CDH23: variants seen among roughly 807,000 people sequenced by gnomAD.
CDH23 encodes cadherin related 23.
Under a neutral mutation model 317.1 loss-of-function variants are expected in CDH23, and 189 were observed. The ratio of observed to expected loss-of-function variants is 0.60; its 90% CI spans 0.53 to 0.67. The LOEUF is 0.67. Among genes scored for constraint, CDH23 ranks in the 30% least tolerant of loss-of-function variants. CDH23 has a pLI of 0.00. For missense variants in CDH23, 4,401 were observed against 4,592.4 expected, an observed-to-expected ratio of 0.96 and a Z score of 1.20; for synonymous variants, 1,839 against 1,876.8, an observed-to-expected ratio of 0.98 and a Z score of 0.52.
chr10:71,485,702 G>T (rs1376382694), intron 3 of CDH23, among the ~76,000 whole-genome samples: 1 of 152,254 alleles, frequency 6.6e-6, no homozygotes, highest in Non-Finnish European at 1.5e-5. Context: ...TGTGTGGGCA[G>T]AGAAGCAGTG....
Position 71,510,123 on chromosome 10 carries a change from G to C in CDH23, c.187G>C (p.Asp63His). 1 of 1,614,034 alleles carries C rather than the reference G, an allele frequency of 6.2e-7. No homozygotes were observed. Among genetic ancestry groups the C allele is most frequent in the Non-Finnish European group, 8.5e-7 (1 of 1,179,892 alleles). Residue 63 changes from aspartate (D) to histidine (H), a missense_variant, in exon 4 of 70, where the codon GAC becomes CAC. Transcript: ENST00000224721. ...GTTGCTGGCCCAAGACATGGACAAT[G>C]ACCCCCTGGTGTTTGGCGTGTCTGG... ...TQLLAQDMDN[D>H]PLVFGVSGEE...
At chr10:71,633,790 C>T (rs192079772) in intron 11 of CDH23, among the ~76,000 whole-genome samples, 1 of 152,244 alleles carries the variant, frequency 6.6e-6, no homozygotes, top group Admixed American at 6.5e-5. Context: ...TGCACGAGGT[C>T]ACAAAGCAGG....
intron 19 of CDH23, among the ~76,000 whole-genome samples, chr10:71,689,025 GGTGGA>G: frequency 7.4e-6 from 1 of 134,710 alleles, no homozygotes; most frequent in African/African-American, 2.6e-5. Flanking sequence ...AGTCAGGGGT[GGTGGA>G]GTCAGGGGTG....
intron 4 of CDH23, 66 bp from the exon 5 acceptor site, chr10:71,510,888 A>T (rs1052851233): frequency 7.2e-6 from 11 of 1,535,536 alleles, no homozygotes; most frequent in South Asian, 4.5e-5. Context: ...CGCCCCATTT[A>T]GGGCCCAGGA....
chr10:71,723,521 G>A (rs1866657718), intron 28 of CDH23, among the ~76,000 whole-genome samples: 1 of 152,212 alleles, frequency 6.6e-6, no homozygotes, highest in Admixed American at 6.5e-5. Context: ...GTGTGAATGA[G>A]CATGGAGCCA....
chr10:71,457,755 A>T (rs550559160), intron 3 of CDH23, among the ~76,000 whole-genome samples: 5 of 152,356 alleles, frequency 3.3e-5, no homozygotes, highest in Admixed American at 3.3e-4. Flanking sequence ...TTCTCAGAAG[A>T]TGCATTCCTT....
chr10:71,465,857 G>C (rs1291952303), intron 3 of CDH23, among the ~76,000 whole-genome samples: 1 of 151,714 alleles, frequency 6.6e-6, no homozygotes, highest in Non-Finnish European at 1.5e-5. Context: ...TTAGTGCCGG[G>C]TACTGAACAA....
intron 8 of CDH23, among the ~76,000 whole-genome samples, chr10:71,572,918 G>T (rs576226039): frequency 5.4e-4 from 83 of 152,304 alleles, no homozygotes; most frequent in African/African-American, 1.9e-3. Flanking sequence ...TAAGTGCAGG[G>T]AAGATGCCCA....
At chr10:71,553,662 AT>A (rs1306834511) in intron 6 of CDH23, among the ~76,000 whole-genome samples, 1 of 152,148 alleles carries the variant, frequency 6.6e-6, no homozygotes, top group African/African-American at 2.4e-5. Context: ...TTCAGAATCC[AT>A]TTGTTAGGCA....
chr10:71,593,451 C>T (rs1313364366), intron 9 of CDH23, among the ~76,000 whole-genome samples: 1 of 152,096 alleles, frequency 6.6e-6, no homozygotes, highest in African/African-American at 2.4e-5. Flanking sequence ...GGAGCACATG[C>T]CATAGAAGAA....
At chr10:71,773,267 G>A in intron 38 of CDH23, 1 of 1,401,416 alleles carries the variant, frequency 7.1e-7, no homozygotes, top group Non-Finnish European at 9.8e-7. Context: ...AGGCTGAGAG[G>A]GCCCCCAGGA....
At chr10:71,535,830 T>G (rs1007633380) in intron 6 of CDH23, among the ~76,000 whole-genome samples, 34 of 152,232 alleles carry the variant, frequency 2.2e-4, no homozygotes, top group African/African-American at 7.5e-4. Context: ...ACATTTTCAC[T>G]GTGCTCCGGC....
Position 71,812,518 on chromosome 10 carries a change from T to C in CDH23, c.9419T>C (p.Leu3140Pro). The C allele has an allele frequency of 7.2e-7, 1 of 1,393,374 alleles. No homozygotes were observed. Among genetic ancestry groups the C allele is most frequent in the Non-Finnish European group, 9.6e-7 (1 of 1,039,710 alleles). The allele number at this position is 1,393,374 out of a possible 1,614,324, so 86.3% of individuals were successfully genotyped here. Reference protein sequence around the residue: ...PVWLDPFCRNLELAAQAEHED... With the variant: ...PVWLDPFCRNPELAAQAEHED... ...TGGCTGGATCCCTTCTGTCGGAACC[T>C]GGAGCTGGCCGCCCAGGCGGAGCAT... The change falls in exon 67 of 70, where the codon CTG becomes CCG. Residue 3140 changes from leucine to proline, a missense_variant. By Grantham distance (98) the Leu-to-Pro change is moderately conservative. Coordinates refer to ENST00000224721, the MANE Select transcript of CDH23 (RefSeq NM_022124.6).
chr10:71,533,560 C>CACACACACACACAA (rs1254927993), intron 6 of CDH23, among the ~76,000 whole-genome samples: 1 of 141,476 alleles, frequency 7.1e-6, no homozygotes, highest in African/African-American at 2.5e-5. Flanking sequence ...CACACACACA[C>CACACACACACACAA]ACACACACAC....
chr10:71,756,654 G>A (rs527960131), intron 38 of CDH23, among the ~76,000 whole-genome samples: 16 of 152,326 alleles, frequency 1.1e-4, no homozygotes, highest in African/African-American at 3.8e-4. Flanking sequence ...TCTGCTGACT[G>A]CAGGAGTTTA....
chr10:71,738,419 T>C (rs1173560905), intron 34 of CDH23, 79 bp from the exon 35 acceptor site: 4 of 1,557,518 alleles, frequency 2.6e-6, no homozygotes, highest in Non-Finnish European at 3.5e-6. Flanking sequence ...TGGTCCCTAC[T>C]GGACCCACGG....
intron 1 of CDH23, among the ~76,000 whole-genome samples, chr10:71,411,178 G>T (rs1848329437): frequency 6.6e-6 from 1 of 152,154 alleles, no homozygotes; most frequent in Non-Finnish European, 1.5e-5. Context: ...GCCCTGCTGA[G>T]ATTTTGATTG....
Position 71,728,494 on chromosome 10 carries a change from A to C in CDH23, c.3580-1975A>C, listed in dbSNP as rs558903382. ...GCTTCTACCAGCCAGAAGCTCTGTC[A>C]CTTCTCTCCAGCTGATTCCCAGCTA... On this transcript the variant is annotated intron_variant, in intron 30 of 69. Coordinates refer to ENST00000224721, the MANE Select transcript of CDH23 (RefSeq NM_022124.6). Among the ~76,000 whole-genome samples, 4 of 152,134 alleles carry C rather than the reference A, an allele frequency of 2.6e-5. No homozygotes were observed. In the South Asian group the frequency reaches 8.3e-4, roughly 32 times the overall value.
At chr10:71,502,240 A>C (rs1185644903) in intron 3 of CDH23, among the ~76,000 whole-genome samples, 1 of 152,242 alleles carries the variant, frequency 6.6e-6, no homozygotes, top group Non-Finnish European at 1.5e-5. Context: ...GAAGGACAGT[A>C]GATCACAGCT....
Sources: allele counts gnomAD v4.1 joint callset (sites outside exome capture counted in the v4.1 genomes callset), GRCh38; gene constraint gnomAD v4.1.1; transcripts MANE v1.5; gene names NCBI Gene and HGNC (gene_info 2026-07-23, HGNC 2026-07-21).